Variants in REEP5 observed in about 807,000 individuals in gnomAD.
REEP5 encodes the protein receptor accessory protein 5, also known as receptor expression-enhancing protein 5.
In REEP5, 24 loss-of-function variants were observed where a neutral mutation model predicts 22.4. That is an observed-to-expected ratio of 1.07 (90% CI 0.78 to 1.51). The LOEUF (loss-of-function observed/expected upper bound fraction) is 1.51, where lower values mean the gene tolerates loss of function less well. Ranked by LOEUF, REEP5 falls within the 40% of genes most tolerant of loss-of-function variation. REEP5 has a pLI of 0.00. For missense variants in REEP5, 252 were observed against 233.0 expected (o/e 1.08, Z -0.53); for synonymous variants, 103 against 88.6 (o/e 1.16, Z -0.92).
At chr5:112,889,173 T>C (rs2150037586) in intron 3 of REEP5, among the ~76,000 whole-genome samples, 1 of 150,898 alleles carries the variant, frequency 6.6e-6, no homozygotes, top group African/African-American at 2.5e-5. Flanking sequence ...TATGTCTTTA[T>C]TAGCAGCATG....
At chr5:112,897,605 G>A (rs556592384) in intron 3 of REEP5, 125 of 152,300 alleles carry the variant, frequency 8.2e-4, no homozygotes, top group African/African-American at 2.8e-3. Context: ...CTCAGAATAT[G>A]CATGATCCAA....
chr5:112,903,347 G>C (rs776287781), intron 2 of REEP5, among the ~76,000 whole-genome samples: 1 of 152,098 alleles, frequency 6.6e-6, no homozygotes, highest in African/African-American at 2.4e-5. Context: ...CTATGAAACA[G>C]GTTAACTACT....
At chr5:112,884,979 T>C (rs538466811) in intron 4 of REEP5, 2 of 152,278 alleles carry the variant, frequency 1.3e-5, no homozygotes, top group East Asian at 3.9e-4. Flanking sequence ...AATAAATAAA[T>C]ATTTATTGAG....
chr5:112,910,971 T>C (rs927569490), intron 2 of REEP5, among the ~76,000 whole-genome samples: 5 of 152,212 alleles, frequency 3.3e-5, no homozygotes, highest in African/African-American at 1.2e-4. Flanking sequence ...TGCTAGATAC[T>C]GACTTTCTTA....
At chr5:112,908,101 G>GTTTTTTTTTTT (rs1047059353) in intron 2 of REEP5, among the ~76,000 whole-genome samples, 1 of 83,918 alleles carries the variant, frequency 1.2e-5, no homozygotes, top group Non-Finnish European at 2.9e-5. Flanking sequence ...TTTGTTTTTT[G>GTTTTTTTTTTT]TTTTTTTTTT....
At position 112,921,393 on chromosome 5, in the gene REEP5, C is replaced by G. The variant is rs894195990; in HGVS notation, c.119-137G>C. On this transcript the variant is annotated intron_variant, in intron 1 of 4. Coordinates refer to ENST00000379638, the MANE Select transcript of REEP5 (RefSeq NM_005669.5). ...CGATTAAAGGAGCGAGAAAAACAAA[C>G]CACACGAAAGCTGGGCCTGCGCGTC... The G allele has an allele frequency of 1.6e-5, 13 of 811,390 alleles. No homozygotes were observed. The African/African-American group carries it at 2.2e-4, about 14-fold the overall frequency. The allele number at this position is 811,390 out of a possible 1,614,324, so 50.3% of individuals were successfully genotyped here. A position where few individuals can be genotyped will look rare whatever the true frequency, so the allele number is the denominator to read the frequency against.
chr5:112,879,336 G>T (rs1466733339), intron 4 of REEP5, among the ~76,000 whole-genome samples: 1 of 57,644 alleles, frequency 1.7e-5, no homozygotes, highest in African/African-American at 9.2e-5. Context: ...GGGGGGGGGG[G>T]CTGGGGGGGC....
At chr5:112,910,942 T>G (rs990641098) in intron 2 of REEP5, among the ~76,000 whole-genome samples, 3 of 152,224 alleles carry the variant, frequency 2.0e-5, no homozygotes, top group Non-Finnish European at 4.4e-5. Flanking sequence ...AAATCCACCA[T>G]GGTAATCCCA....
At chr5:112,913,368 AAG>A (rs985651861) in intron 2 of REEP5, among the ~76,000 whole-genome samples, 5 of 103,854 alleles carry the variant, frequency 4.8e-5, no homozygotes, top group Admixed American at 2.5e-4. Context: ...AAAGGAAAGA[AAG>A]AAGAAAGAAA....
intron 4 of REEP5, among the ~76,000 whole-genome samples, chr5:112,879,826 C>G (rs1012151780): frequency 1.3e-5 from 2 of 151,962 alleles, no homozygotes; most frequent in African/African-American, 4.8e-5. Flanking sequence ...TGCCTGTAAT[C>G]GCAGCACTTT....
At chr5:112,918,823 G>A (rs1215048107) in intron 2 of REEP5, among the ~76,000 whole-genome samples, 1 of 152,164 alleles carries the variant, frequency 6.6e-6, no homozygotes, top group Non-Finnish European at 1.5e-5. Context: ...CTCAGGGCCT[G>A]ACACACTCTT....
At chr5:112,916,949 T>G (rs181571415) in intron 2 of REEP5, among the ~76,000 whole-genome samples, 121 of 152,332 alleles carry the variant, frequency 7.9e-4, no homozygotes, top group African/African-American at 2.8e-3. Flanking sequence ...ATCTGTTAAA[T>G]AAAATGCTAC....
Position 112,887,196 on chromosome 5 carries a change from A to G in REEP5, c.352-13T>C. 1 of 1,567,694 alleles carries G rather than the reference A, an allele frequency of 6.4e-7. No homozygotes were observed. On this transcript the variant is annotated splice_polypyrimidine_tract_variant and intron_variant, in intron 3 of 4. Coordinates refer to ENST00000379638, the MANE Select transcript of REEP5 (RefSeq NM_005669.5). ...ACAGGAAGCCACACTGCACAGAAAA[A>G]GAGCCAGCATGGGTAACAGGAGGGT... is the stretch of plus-strand genomic sequence containing the variant.
chr5:112,897,473 T>A (rs1477749977), intron 3 of REEP5: 2 of 152,052 alleles, frequency 1.3e-5, no homozygotes, highest in African/African-American at 4.8e-5. Context: ...ATCTGGCACA[T>A]GGAGGTTCTA....
chr5:112,892,456 G>A, intron 3 of REEP5: 1 of 1,614,114 alleles, frequency 6.2e-7, no homozygotes, highest in Non-Finnish European at 8.5e-7. Context: ...TCACCTGAGG[G>A]GCAATGTATA....
rs1768617974 is a variant in REEP5 at position 112,894,499 on chromosome 5, C to T, written c.352-7316G>A. ...GGAAAAGCTATACATCCCCAAAATG[C>T]AATACAACATTATGATATGCAGGAA... On this transcript the variant is annotated intron_variant, in intron 3 of 4. Coordinates refer to ENST00000379638, the MANE Select transcript of REEP5 (RefSeq NM_005669.5). 2.0e-5 allele frequency: 3 copies of T among 152,294 alleles called. No homozygotes were observed. In the South Asian group the frequency reaches 6.2e-4, roughly 32 times the overall value. The allele number at this position is 152,294 out of a possible 1,614,324, so 9.4% of individuals were successfully genotyped here. A position where few individuals can be genotyped will look rare whatever the true frequency, so the allele number is the denominator to read the frequency against.
chr5:112,889,070 C>A lies in REEP5; in HGVS notation c.352-1887G>T, dbSNP rs1389173297. Among the ~76,000 whole-genome samples the A allele has an allele frequency of 2.0e-5, 3 of 150,872 alleles. 1 individual carries two copies. The highest frequency in any genetic ancestry group is 1.3e-4 in the Admixed American group (2 of 15,142). ...CATGTAAGACATCCCTTTGCTTTTC[C>A]TTCATCTTCCACCATGATTGTGAGG... On this transcript the variant is annotated intron_variant, in intron 3 of 4. Coordinates refer to ENST00000379638, the MANE Select transcript of REEP5 (RefSeq NM_005669.5).
intron 3 of REEP5, among the ~76,000 whole-genome samples, chr5:112,901,350 C>A (rs546319646): frequency 6.6e-6 from 1 of 152,016 alleles, no homozygotes; most frequent in Admixed American, 6.6e-5. Flanking sequence ...AAATGAAGAA[C>A]ACGGTATATA....
chr5:112,888,010 T>C (rs1490705641), intron 3 of REEP5, among the ~76,000 whole-genome samples: 1 of 152,214 alleles, frequency 6.6e-6, no homozygotes, highest in Non-Finnish European at 1.5e-5. Flanking sequence ...ATAAACAATA[T>C]ACTGAGTTAT....
Sources: gnomAD v4.1 joint callset for allele counts (sites outside exome capture counted in the v4.1 genomes callset) on GRCh38, gnomAD v4.1.1 for gene constraint, MANE v1.5 for transcripts, NCBI Gene and HGNC (gene_info 2026-07-23, HGNC 2026-07-21) for gene names.